ST3GAL2: variants seen among roughly 807,000 people sequenced by gnomAD.
ST3GAL2 encodes CMP-N-acetylneuraminate-beta-galactosamide-alpha-2,3-sialyltransferase 2.
A neutral mutation model predicts 37.5 loss-of-function variants in ST3GAL2; 16 were observed. The ratio of observed to expected loss-of-function variants is 0.43; its 90% confidence interval spans 0.29 to 0.65. The LOEUF is 0.65. Among genes scored for constraint, ST3GAL2 ranks in the 30% least tolerant of loss-of-function variants. ST3GAL2 has a pLI of 0.17. For missense variants in ST3GAL2, 383 were observed against 487.8 expected, an observed-to-expected ratio of 0.79 and a Z score of 2.02; for synonymous variants, 238 against 202.9, an observed-to-expected ratio of 1.17 and a Z score of -1.47.
At position 70,377,198 on chromosome 16, in the gene ST3GAL2, A is replaced by C. The variant is rs1441369805; in HGVS notation, c.*4491T>G. ...TCTCTTAAAAAAAAAAAAAAAAAAAAAAAAAGGGTCTGGTGGCTCACGCCT... is the reference window on the plus strand; with the variant it reads ...TCTCTTAAAAAAAAAAAAAAAAAAACAAAAAGGGTCTGGTGGCTCACGCCT... On this transcript the variant is annotated 3_prime_UTR_variant, in exon 7 of 7. Transcript: ENST00000342907. 6.7e-6 allele frequency: 1 copy of C among 149,892 alleles called. No homozygotes were observed. The highest frequency in any genetic ancestry group is 1.5e-5 in the Non-Finnish European group (1 of 67,504). 9.3% of individuals were successfully genotyped at this position (149,892 alleles called of 1,614,324 possible).
At chr16:70,432,334 A>G (rs921295687) in intron 1 of ST3GAL2, among the ~76,000 whole-genome samples, 5 of 152,118 alleles carry the variant, frequency 3.3e-5, no homozygotes, top group Non-Finnish European at 7.4e-5. Context: ...ATCTGCAGGG[A>G]TAAGGCACCC....
At chr16:70,384,124 T>C (rs1038465944) in intron 4 of ST3GAL2, among the ~76,000 whole-genome samples, 11 of 152,284 alleles carry the variant, frequency 7.2e-5, no homozygotes, top group African/African-American at 2.2e-4. Flanking sequence ...AAACATGAGA[T>C]AATGAACATC....
intron 1 of ST3GAL2, among the ~76,000 whole-genome samples, chr16:70,431,970 AAT>A (rs1555562175): frequency 1.4e-5 from 2 of 144,122 alleles, no homozygotes; most frequent in African/African-American, 2.9e-5. Flanking sequence ...TCTTAAAAAA[AAT>A]ATATATATAT....
chr16:70,403,173 G>A (rs1450541837), intron 1 of ST3GAL2, among the ~76,000 whole-genome samples: 4 of 152,110 alleles, frequency 2.6e-5, no homozygotes, highest in African/African-American at 9.7e-5. Flanking sequence ...GATGTACTCT[G>A]AAGGGCTTAA....
In ST3GAL2 at chr16:70,376,873, C is replaced by T. The variant is rs1232840253; in HGVS notation, c.*4816G>A. The T allele has an allele frequency of 6.6e-6, 1 of 151,910 alleles. No individual in the cohort carries two copies. The highest frequency in any genetic ancestry group is 1.9e-4 in the East Asian group (1 of 5,160). 9.4% of individuals were successfully genotyped at this position (151,910 alleles called of 1,614,324 possible). A position where few individuals can be genotyped will look rare whatever the true frequency, so the allele number is the denominator to read the frequency against. ...TTCTCTGCCTCGGTCTCCCGAGTAG[C>T]TGGGATCACAGCCGTCTGCCACTAA... On this transcript the variant is annotated 3_prime_UTR_variant, in exon 7 of 7. Coordinates refer to ENST00000342907, the MANE Select transcript of ST3GAL2 (RefSeq NM_006927.4).
At chr16:70,438,055 G>A (rs2047838130) in intron 1 of ST3GAL2, among the ~76,000 whole-genome samples, 1 of 152,240 alleles carries the variant, frequency 6.6e-6, no homozygotes, top group East Asian at 1.9e-4. Flanking sequence ...CAAGAGGGAA[G>A]ATGGGAGACG....
At chr16:70,392,953 C>G (rs1454995685) in intron 3 of ST3GAL2, among the ~76,000 whole-genome samples, 1 of 152,092 alleles carries the variant, frequency 6.6e-6, no homozygotes, top group Non-Finnish European at 1.5e-5. Flanking sequence ...CCCAGCTTAT[C>G]CACTGCCATC....
At chr16:70,403,763 G>T (rs1030374181) in intron 1 of ST3GAL2, among the ~76,000 whole-genome samples, 1 of 152,184 alleles carries the variant, frequency 6.6e-6, no homozygotes, top group Non-Finnish European at 1.5e-5. Flanking sequence ...TGTGAGCTGA[G>T]ATTGCACCAC....
At chr16:70,431,024 A>T (rs1238760129) in intron 1 of ST3GAL2, among the ~76,000 whole-genome samples, 1 of 151,400 alleles carries the variant, frequency 6.6e-6, no homozygotes, top group African/African-American at 2.4e-5. Flanking sequence ...AGGGCAGGGG[A>T]GATTCCATAT....
At chr16:70,433,185 A>G (rs138250492) in intron 1 of ST3GAL2, among the ~76,000 whole-genome samples, 216 of 152,310 alleles carry the variant, frequency 1.4e-3, no homozygotes, top group African/African-American at 5.1e-3. Context: ...CTCTGAAGAC[A>G]GCTACTTTTG....
intron 1 of ST3GAL2, among the ~76,000 whole-genome samples, chr16:70,416,529 A>G (rs1264587213): frequency 6.6e-6 from 1 of 152,234 alleles, no homozygotes; most frequent in African/African-American, 2.4e-5. Flanking sequence ...TATAGGAGGC[A>G]TCAATAAATG....
chr16:70,382,658 T>C, intron 6 of ST3GAL2, 147 bp downstream of exon 6: 1 of 1,208,284 alleles, frequency 8.3e-7, no homozygotes, highest in Non-Finnish European at 1.2e-6. Flanking sequence ...GGCATATCTA[T>C]ACTTTACAGC....
intron 1 of ST3GAL2, among the ~76,000 whole-genome samples, chr16:70,410,094 C>T: frequency 6.6e-6 from 1 of 151,720 alleles, no homozygotes; most frequent in East Asian, 1.9e-4. Context: ...TTTATTTCAC[C>T]TGATGCTGTT....
intron 1 of ST3GAL2, among the ~76,000 whole-genome samples, chr16:70,414,391 G>A (rs1329232940): frequency 6.6e-6 from 1 of 152,228 alleles, no homozygotes; most frequent in Non-Finnish European, 1.5e-5. Context: ...TCTTTCAGAT[G>A]TGGCCTGGGC....
At chr16:70,420,966 G>T (rs900053717) in intron 1 of ST3GAL2, among the ~76,000 whole-genome samples, 21 of 152,228 alleles carry the variant, frequency 1.4e-4, no homozygotes, top group Middle Eastern at 3.2e-3. Flanking sequence ...GACCCTGGAA[G>T]TTCCAGCTAG....
At chr16:70,427,651 T>C (rs892039952) in intron 1 of ST3GAL2, among the ~76,000 whole-genome samples, 2 of 152,182 alleles carry the variant, frequency 1.3e-5, no homozygotes, top group Non-Finnish European at 2.9e-5. Context: ...CCAGTATTCT[T>C]TCTGTATTCC....
chr16:70,425,552 T>C (rs575245432), intron 1 of ST3GAL2, among the ~76,000 whole-genome samples: 4 of 152,274 alleles, frequency 2.6e-5, no homozygotes, highest in Admixed American at 1.3e-4. Flanking sequence ...CTACTGCCAT[T>C]TGTTAATTTA....
rs1446671614 is a variant in ST3GAL2 at position 70,380,449 on chromosome 16, AGGG to A, written c.*1237_*1239del. On this transcript the variant is annotated 3_prime_UTR_variant, in exon 7 of 7. Coordinates refer to ENST00000342907, the MANE Select transcript of ST3GAL2 (RefSeq NM_006927.4). Reference sequence around the variant, plus strand: ...CCCTCCTAAACCTCCCCAGCTTCGAAGGGGGAGAATTCCACCAGCAGCCCCGTC... The same window carrying A: ...CCCTCCTAAACCTCCCCAGCTTCGAAGGAGAATTCCACCAGCAGCCCCGTC... 1 of 152,278 alleles carries A rather than the reference AGGG, an allele frequency of 6.6e-6. No individual in the cohort carries two copies. Among genetic ancestry groups the A allele is most frequent in the African/African-American group, 2.4e-5 (1 of 41,448 alleles). The allele number at this position is 152,278 out of a possible 1,614,324, so 9.4% of individuals were successfully genotyped here. A position where few individuals can be genotyped will look rare whatever the true frequency, so the allele number is the denominator to read the frequency against.
chr16:70,407,549 C>T (rs1318602193), intron 1 of ST3GAL2, among the ~76,000 whole-genome samples: 1 of 152,124 alleles, frequency 6.6e-6, no homozygotes, highest in Admixed American at 6.5e-5. Flanking sequence ...CTGAGGCTGT[C>T]CAGAGGAACT....
Sources: gnomAD v4.1 joint callset for allele counts (sites outside exome capture counted in the v4.1 genomes callset) on GRCh38, gnomAD v4.1.1 for gene constraint, MANE v1.5 for transcripts, NCBI Gene and HGNC (gene_info 2026-07-23, HGNC 2026-07-21) for gene names.